TLN2: variants seen among roughly 807,000 people sequenced by gnomAD.
TLN2 encodes the protein talin-2.
Under a neutral mutation model 294.7 loss-of-function variants are expected in TLN2, and 118 were observed. That is an observed-to-expected ratio of 0.40 (90% confidence interval 0.34 to 0.47). The LOEUF (loss-of-function observed/expected upper bound fraction) is 0.47, where lower values mean the gene tolerates loss of function less well. Ranked by LOEUF, TLN2 falls within the 20% of genes least tolerant of loss-of-function variation. The pLI is 0.84. For missense variants in TLN2, 3,083 were observed against 3,282.2 expected, an observed-to-expected ratio of 0.94 and a Z score of 1.48; for synonymous variants, 1,431 against 1,304.5, an observed-to-expected ratio of 1.10 and a Z score of -2.09.
intron 11 of TLN2, among the ~76,000 whole-genome samples, chr15:62,678,500 T>C (rs1438729412): frequency 1.3e-5 from 2 of 152,214 alleles, no homozygotes; most frequent in Non-Finnish European, 2.9e-5. Context: ...GTATCAAACC[T>C]CTCATTAGTA....
intron 1 of TLN2, among the ~76,000 whole-genome samples, chr15:62,565,343 A>G (rs537759432): frequency 6.6e-6 from 1 of 152,364 alleles, no homozygotes; most frequent in South Asian, 2.1e-4. Context: ...ATTAAAGTAT[A>G]TACATAATAA....
chr15:62,552,944 T>C (rs1455650002), intron 1 of TLN2, among the ~76,000 whole-genome samples: 1 of 152,242 alleles, frequency 6.6e-6, no homozygotes, highest in Non-Finnish European at 1.5e-5. Context: ...TGACTATGTG[T>C]TTATTTTTCT....
intron 1 of TLN2, among the ~76,000 whole-genome samples, chr15:62,514,248 T>C (rs1010113437): frequency 3.3e-5 from 5 of 152,192 alleles, no homozygotes; most frequent in African/African-American, 1.2e-4. Context: ...ACATTATGAA[T>C]GAGGTTTTAC....
intron 43 of TLN2, among the ~76,000 whole-genome samples, chr15:62,777,706 G>A (rs1161048410): frequency 1.3e-5 from 2 of 152,108 alleles, no homozygotes; most frequent in Non-Finnish European, 2.9e-5. Context: ...GCCAGGCACA[G>A]AAACCACTGA....
intron 28 of TLN2, among the ~76,000 whole-genome samples, chr15:62,727,874 G>A (rs564612179): frequency 6.6e-6 from 1 of 152,114 alleles, no homozygotes; most frequent in South Asian, 2.1e-4. Context: ...AAGGAATTGA[G>A]TGGCTCTAGG....
At chr15:62,782,621 C>T (rs1009561878) in intron 44 of TLN2, among the ~76,000 whole-genome samples, 1 of 152,188 alleles carries the variant, frequency 6.6e-6, no homozygotes, top group Non-Finnish European at 1.5e-5. Flanking sequence ...GTCAGGATGC[C>T]CAGACTCCCA....
intron 52 of TLN2, among the ~76,000 whole-genome samples, chr15:62,812,350 A>G (rs146144584): frequency 6.7e-4 from 102 of 152,318 alleles, no homozygotes; most frequent in Non-Finnish European, 9.8e-4. Flanking sequence ...CTATGGGTCC[A>G]GGCCCTGCAC....
rs190157480 is a variant in TLN2 at position 62,722,679 on chromosome 15, A to G, written c.3126+192A>G. On this transcript the variant is annotated intron_variant, in intron 26 of 58. Coordinates refer to ENST00000636159, the MANE Select transcript of TLN2 (RefSeq NM_015059.3). ...CCACTATCTCCCAGACTTAGTATTC[A>G]CTTTTTGATTTCAAATGCCTTTCGT... Among the ~76,000 whole-genome samples the G allele has an allele frequency of 7.9e-5, 12 of 152,206 alleles. No homozygotes were observed. The East Asian group carries it at 2.1e-3, about 27-fold the overall frequency.
rs375200962 is a variant in TLN2 at position 62,692,992 on chromosome 15, C to G, written c.1215+51C>G. On this transcript the variant is annotated intron_variant, in intron 13 of 58. Coordinates refer to ENST00000636159, the MANE Select transcript of TLN2 (RefSeq NM_015059.3). ...AAAGCAAGACGGCTTTATTAAAAGG[C>G]TTGGTTTCGATGACGTGGCTACCTT... is the stretch of plus-strand genomic sequence containing the variant. The G allele has an allele frequency of 6.6e-6, 10 of 1,512,422 alleles. No homozygotes were observed. In the African/African-American group the frequency reaches 1.4e-4, roughly 21 times the overall value. 93.7% of individuals were successfully genotyped at this position (1,512,422 alleles called of 1,614,324 possible).
intron 8 of TLN2, 38 bp downstream of exon 8, chr15:62,656,124 AT>A (rs769112926): frequency 6.2e-7 from 1 of 1,604,422 alleles, no homozygotes; most frequent in Non-Finnish European, 8.5e-7. Context: ...GGTTGGTGAG[AT>A]TGCAGGAAGC....
chr15:62,831,390 T>C (rs2068829890), intron 54 of TLN2: 1 of 152,072 alleles, frequency 6.6e-6, no homozygotes, highest in Non-Finnish European at 1.5e-5. Flanking sequence ...CCCTGGTGCT[T>C]TAATCTGTTA....
At chr15:62,472,675 G>GA (rs1364690555) in intron 1 of TLN2, among the ~76,000 whole-genome samples, 1 of 152,224 alleles carries the variant, frequency 6.6e-6, no homozygotes, top group African/African-American at 2.4e-5. Context: ...AAATGATTAG[G>GA]AAAGGAGTGT....
intron 1 of TLN2, among the ~76,000 whole-genome samples, chr15:62,441,418 T>C (rs2035538144): frequency 6.6e-6 from 1 of 152,162 alleles, no homozygotes; most frequent in South Asian, 2.1e-4. Context: ...GTGAGCTTCA[T>C]GTGAATCCAC....
intron 1 of TLN2, among the ~76,000 whole-genome samples, chr15:62,410,461 T>A (rs183801836): frequency 1.1e-4 from 16 of 152,058 alleles, no homozygotes; most frequent in Non-Finnish European, 1.5e-4. Context: ...AACCTGATTT[T>A]AAAAAAAAGG....
chr15:62,711,885 A>G, intron 21 of TLN2, 26 bp from the exon 22 acceptor site: 1 of 1,587,294 alleles, frequency 6.3e-7, no homozygotes. Context: ...AGACAAACAG[A>G]CCTCATCCTC....
chr15:62,434,106 G>A (rs1415752597), intron 1 of TLN2, among the ~76,000 whole-genome samples: 1 of 147,924 alleles, frequency 6.8e-6, no homozygotes, highest in Non-Finnish European at 1.5e-5. Flanking sequence ...ATTTTAAAAA[G>A]TAGAAAGAGG....
chr15:62,516,907 A>C (rs1388188456), intron 1 of TLN2, among the ~76,000 whole-genome samples: 1 of 152,184 alleles, frequency 6.6e-6, no homozygotes, highest in African/African-American at 2.4e-5. Context: ...TTTATTGGAA[A>C]GGTGTAGGTT....
At position 62,647,363 on chromosome 15, in the gene TLN2, C is replaced by T. The variant is rs746594719; in HGVS notation, c.53C>T (p.Thr18Ile). 37 of 1,614,060 alleles carry T rather than the reference C, an allele frequency of 2.3e-5. No homozygotes were observed. The highest frequency in any genetic ancestry group is 1.6e-4 in the Middle Eastern group (1 of 6,084). ...ICVRHCNVVKTMQFEPSTAVY... is the reference protein window; with the variant it reads ...ICVRHCNVVKIMQFEPSTAVY... ...GTGCGCCACTGCAACGTGGTGAAGA[C>T]CATGCAGTTTGAACCATCTACAGCT... The change falls in exon 4 of 59, where the codon ACC becomes ATC. Residue 18 changes from threonine (T) to isoleucine (I), a missense_variant. Thr to Ile is a moderately conservative substitution (Grantham distance 89, BLOSUM62 -1). Coordinates refer to ENST00000636159, the MANE Select transcript of TLN2 (RefSeq NM_015059.3).
At chr15:62,584,847 A>G (rs1347104295) in intron 1 of TLN2, among the ~76,000 whole-genome samples, 2 of 152,232 alleles carry the variant, frequency 1.3e-5, no homozygotes, top group African/African-American at 4.8e-5. Context: ...GTCAAAAATT[A>G]GTGATCACTT....
Sources: gnomAD v4.1 joint callset for allele counts (sites outside exome capture counted in the v4.1 genomes callset) on GRCh38, gnomAD v4.1.1 for gene constraint, MANE v1.5 for transcripts, NCBI Gene and HGNC (gene_info 2026-07-23, HGNC 2026-07-21) for gene names.